Variants in MLLT10 observed in about 807,000 individuals in gnomAD.
MLLT10 encodes the protein MLLT10 histone lysine methyltransferase DOT1L cofactor, also known as protein AF-10.
MLLT10 carries 30 observed loss-of-function variants against 129.1 expected under a neutral mutation model. The observed-to-expected ratio is 0.23, with a 90% CI of 0.17 to 0.32. The LOEUF (loss-of-function observed/expected upper bound fraction) is 0.32, where lower values mean the gene tolerates loss of function less well. Ranked by LOEUF, MLLT10 falls within the 10% of genes least tolerant of loss-of-function variation. The probability of loss-of-function intolerance (pLI) is 1.00; values close to 1 mark genes in which losing one functional copy is unlikely to be tolerated. For synonymous variants in MLLT10, 490 were observed against 446.4 expected (o/e 1.10, Z -1.23); for missense variants, 1,119 against 1,268.3 (o/e 0.88, Z 1.79).
At chr10:21,727,733 C>T (rs962654742) in intron 15 of MLLT10, 123 bp from the exon 16 acceptor site, 17 of 678,336 alleles carry the variant, frequency 2.5e-5, no homozygotes, top group Admixed American at 5.2e-5. Flanking sequence ...CTTCTATTTT[C>T]GTGGGAACTG....
chr10:21,552,388 CTTTT>C lies in MLLT10; in HGVS notation c.240+13492_240+13495del, dbSNP rs1225893534. On this transcript the variant is annotated intron_variant, in intron 3 of 22. Transcript: ENST00000307729. ...TAAATCTTTGTATATCTTCTTATTG[CTTTT>C]TTTTTTTTTTTTTTTGAGATGGAGT... is the stretch of plus-strand genomic sequence containing the variant. Among the ~76,000 whole-genome samples the C allele has an allele frequency of 8.0e-5, 9 of 112,092 alleles. No individual in the cohort carries two copies. The Admixed American group carries it at 8.0e-4, about 10-fold the overall frequency. 73.5% of individuals were successfully genotyped at this position (112,092 alleles called of 152,430 possible).
At chr10:21,644,422 C>G (rs995988675) in intron 8 of MLLT10, among the ~76,000 whole-genome samples, 1 of 151,960 alleles carries the variant, frequency 6.6e-6, no homozygotes, top group African/African-American at 2.4e-5. Flanking sequence ...TTTTCTGAAG[C>G]CTGTGGGAAT....
chr10:21,555,534 T>A (rs1368688682), intron 3 of MLLT10, among the ~76,000 whole-genome samples: 2 of 152,170 alleles, frequency 1.3e-5, no homozygotes, highest in African/African-American at 4.8e-5. Context: ...ATACTTTAAT[T>A]GGAGGTTTTT....
At position 21,605,222 on chromosome 10, in the gene MLLT10, C is replaced by G. The variant is rs2043941936; in HGVS notation, c.406-7126C>G. Among the ~76,000 whole-genome samples, 5 of 152,142 alleles carry G rather than the reference C, an allele frequency of 3.3e-5. No homozygotes were observed. In the South Asian group the frequency reaches 1.0e-3, roughly 31 times the overall value. ...TCATCTGTCTACACAGTTCACTGGACAAGCAAGCATTGGTTGTTTAGTCTC... is the reference window on the plus strand; with the variant it reads ...TCATCTGTCTACACAGTTCACTGGAGAAGCAAGCATTGGTTGTTTAGTCTC... On this transcript the variant is annotated intron_variant, in intron 5 of 22. Transcript: ENST00000307729.
At chr10:21,656,143 G>A (rs1423241388) in intron 9 of MLLT10, among the ~76,000 whole-genome samples, 1 of 152,108 alleles carries the variant, frequency 6.6e-6, no homozygotes, top group African/African-American at 2.4e-5. Context: ...TGATCCTGAT[G>A]GCTGGTAGAA....
intron 13 of MLLT10, among the ~76,000 whole-genome samples, chr10:21,710,805 T>G (rs1175795361): frequency 6.6e-6 from 1 of 152,224 alleles, no homozygotes; most frequent in Non-Finnish European, 1.5e-5. Flanking sequence ...AAAGTTCTGT[T>G]TGCTCATATG....
chr10:21,602,991 C>T (rs541616982), intron 5 of MLLT10, among the ~76,000 whole-genome samples: 4 of 152,208 alleles, frequency 2.6e-5, no homozygotes, highest in African/African-American at 7.2e-5. Context: ...CTCGGCCTCC[C>T]AAAGTGCTGG....
intron 9 of MLLT10, among the ~76,000 whole-genome samples, chr10:21,665,946 A>G (rs181772106): frequency 1.3e-5 from 2 of 151,744 alleles, no homozygotes; most frequent in African/African-American, 2.4e-5. Context: ...ACCTTAGTCG[A>G]TCTGCCTGAC....
At chr10:21,598,262 G>A (rs1480873501) in intron 5 of MLLT10, among the ~76,000 whole-genome samples, 3 of 152,150 alleles carry the variant, frequency 2.0e-5, no homozygotes, top group African/African-American at 7.2e-5. Context: ...TGTTCATACT[G>A]TCTCAGGTTT....
chr10:21,605,551 C>A (rs953290323), intron 5 of MLLT10, among the ~76,000 whole-genome samples: 3 of 152,014 alleles, frequency 2.0e-5, no homozygotes, highest in African/African-American at 7.3e-5. Context: ...TTCAAGTGAT[C>A]CTCCCCGCTC....
In MLLT10 at chr10:21,577,888, A is replaced by AT. The variant is rs562374786; in HGVS notation, c.241-8399dup. ...CTGATTGTGGTGTTGATTTTTATTT[A>AT]TTTTTTTCATTATATTATTTTTTTA... On this transcript the variant is annotated intron_variant, in intron 3 of 22. Coordinates refer to ENST00000307729, the MANE Select transcript of MLLT10 (RefSeq NM_001195626.3). 1.2e-4 allele frequency among the ~76,000 whole-genome samples: 18 copies of AT among 151,418 alleles called. No individual in the cohort carries two copies. The South Asian group carries it at 2.5e-3, about 21-fold the overall frequency.
intron 13 of MLLT10, among the ~76,000 whole-genome samples, chr10:21,705,230 T>C (rs1384897542): frequency 1.3e-5 from 2 of 152,126 alleles, no homozygotes; most frequent in African/African-American, 2.4e-5. Context: ...TCTCCAGACC[T>C]ACAGATGGTA....
chr10:21,581,249 G>T (rs1425321042), intron 3 of MLLT10, among the ~76,000 whole-genome samples: 1 of 151,118 alleles, frequency 6.6e-6, no homozygotes, highest in Non-Finnish European at 1.5e-5. Context: ...GGGTTTCACC[G>T]TGTTAGCCAG....
At position 21,721,278 on chromosome 10, in the gene MLLT10, A is replaced by G. The variant is rs945791921; in HGVS notation, c.1879-4966A>G. On this transcript the variant is annotated intron_variant, in intron 14 of 22. Coordinates refer to ENST00000307729, the MANE Select transcript of MLLT10 (RefSeq NM_001195626.3). ...AGTTTCAGATCTATCTCTAGATGAT[A>G]CATTGCTGTTAATACAGTGCTTTCC... Among the ~76,000 whole-genome samples, 7 of 152,318 alleles carry G rather than the reference A, an allele frequency of 4.6e-5. 1 individual carries two copies. In the South Asian group the frequency reaches 1.4e-3, roughly 32 times the overall value.
At chr10:21,545,752 G>C (rs900190343) in intron 3 of MLLT10, among the ~76,000 whole-genome samples, 3 of 152,128 alleles carry the variant, frequency 2.0e-5, no homozygotes, top group Non-Finnish European at 4.4e-5. Flanking sequence ...CTGCAACATC[G>C]AACTCTGGGG....
intron 2 of MLLT10, 32 bp from the exon 3 acceptor site, chr10:21,538,801 T>G (rs761872642): frequency 1.3e-6 from 2 of 1,530,134 alleles, no homozygotes; most frequent in South Asian, 2.3e-5. Context: ...TCTTCGAATC[T>G]TAACATTTTA....
chr10:21,703,840 G>A (rs2055164819), intron 13 of MLLT10, among the ~76,000 whole-genome samples: 1 of 150,456 alleles, frequency 6.6e-6, no homozygotes, highest in Admixed American at 6.6e-5. Context: ...CATCGCACCC[G>A]GCCCAGACCT....
intron 17 of MLLT10, among the ~76,000 whole-genome samples, 183 bp downstream of exon 17, chr10:21,731,237 G>T (rs1192774930): frequency 3.3e-5 from 5 of 152,134 alleles, no homozygotes; most frequent in African/African-American, 1.2e-4. Context: ...TAGTGTTACT[G>T]CTTGGACTTG....
In MLLT10 at chr10:21,624,778, C is replaced by G. The variant is rs1002768279; in HGVS notation, c.699+7571C>G. 3 of 1,100,134 alleles carry G rather than the reference C, an allele frequency of 2.7e-6. No homozygotes were observed. The African/African-American group carries it at 4.7e-5, about 17-fold the overall frequency. The allele number at this position is 1,100,134 out of a possible 1,614,324, so 68.1% of individuals were successfully genotyped here. On this transcript the variant is annotated intron_variant, in intron 8 of 22. Coordinates refer to ENST00000307729, the MANE Select transcript of MLLT10 (RefSeq NM_001195626.3). The stretch of plus-strand genomic sequence containing the variant: ...GGTTGTAAGCATCTGCCTTCTCTTG[C>G]GTCCTACATTGTCCCCTGATTGCCC...
Sources: allele counts gnomAD v4.1 joint callset (sites outside exome capture counted in the v4.1 genomes callset), GRCh38; gene constraint gnomAD v4.1.1; transcripts MANE v1.5; gene names NCBI Gene and HGNC (gene_info 2026-07-23, HGNC 2026-07-21).